Variants in RBFOX1 observed in about 807,000 individuals in gnomAD.
The protein encoded by RBFOX1 is RNA binding protein fox-1 homolog 1.
Under a neutral mutation model 57.7 loss-of-function variants are expected in RBFOX1, and 8 were observed. The observed-to-expected ratio is 0.14, with a 90% CI of 0.08 to 0.25. The LOEUF (loss-of-function observed/expected upper bound fraction) is 0.25. Ranked by LOEUF, RBFOX1 falls within the 10% of genes least tolerant of loss-of-function variation. The pLI, the probability that RBFOX1 is intolerant of heterozygous loss-of-function variation, is 1.00. For missense variants in RBFOX1, 611 were observed against 548.5 expected (o/e 1.11, Z -1.14); for synonymous variants, 326 against 222.4 (o/e 1.47, Z -4.15).
chr16:6,550,062 G>C (rs1269262374), intron 2 of RBFOX1, among the ~76,000 whole-genome samples: 1 of 152,154 alleles, frequency 6.6e-6, no homozygotes, highest in African/African-American at 2.4e-5. Context: ...CTTTATGACT[G>C]AATCTAAAAT....
intron 3 of RBFOX1, among the ~76,000 whole-genome samples, chr16:5,607,530 A>G (rs184866167): frequency 2.6e-5 from 4 of 152,100 alleles, no homozygotes; most frequent in Non-Finnish European, 5.9e-5. Context: ...ACGGGTTTCA[A>G]TGTTGGCATT....
At chr16:5,870,930 A>C (rs1029033032) in intron 4 of RBFOX1, among the ~76,000 whole-genome samples, 4 of 151,910 alleles carry the variant, frequency 2.6e-5, no homozygotes, top group Non-Finnish European at 2.9e-5. Flanking sequence ...CCACCTGTGG[A>C]GGAGATATTG....
intron 3 of RBFOX1, among the ~76,000 whole-genome samples, chr16:6,990,322 C>G (rs1362587457): frequency 1.3e-5 from 2 of 151,948 alleles, no homozygotes; most frequent in Non-Finnish European, 2.9e-5. Context: ...GTCAGGAGTT[C>G]GAGACCAGCC....
At chr16:5,656,930 CA>C (rs1421851994) in intron 3 of RBFOX1, among the ~76,000 whole-genome samples, 3 of 152,100 alleles carry the variant, frequency 2.0e-5, no homozygotes, top group East Asian at 3.9e-4. Flanking sequence ...TGGGACCTGT[CA>C]GGGGGTGGGG....
intron 4 of RBFOX1, among the ~76,000 whole-genome samples, chr16:7,403,677 G>C (rs1448092573): frequency 1.3e-5 from 2 of 150,190 alleles, no homozygotes; most frequent in South Asian, 4.2e-4. Flanking sequence ...CTCCTGAATA[G>C]CTGGGATTAC....
intron 3 of RBFOX1, among the ~76,000 whole-genome samples, chr16:6,872,473 C>G (rs117075116): frequency 6.6e-6 from 1 of 152,136 alleles, no homozygotes; most frequent in Non-Finnish European, 1.5e-5. Flanking sequence ...GCTGAATTAG[C>G]CCCTTGCTTT....
At chr16:5,940,662 A>G (rs1567170793) in intron 4 of RBFOX1, among the ~76,000 whole-genome samples, 1 of 152,218 alleles carries the variant, frequency 6.6e-6, no homozygotes, top group Non-Finnish European at 1.5e-5. Flanking sequence ...TAGTGGGAGC[A>G]CCCGTGGTAA....
chr16:6,694,640 G>C (rs1481469557), intron 3 of RBFOX1, among the ~76,000 whole-genome samples: 3 of 152,112 alleles, frequency 2.0e-5, no homozygotes, highest in Admixed American at 2.0e-4. Flanking sequence ...CACTGTGTTG[G>C]TCTTATCATG....
chr16:5,925,019 T>C (rs569615523), intron 4 of RBFOX1, among the ~76,000 whole-genome samples: 5 of 152,314 alleles, frequency 3.3e-5, no homozygotes, highest in African/African-American at 7.2e-5. Context: ...GGTCATCCTG[T>C]TATCTGATGC....
rs144842253 is a variant in RBFOX1, at chr16:6,863,094, G to A, written c.-15-188963G>A. On this transcript the variant is annotated intron_variant, in intron 3 of 15. Transcript: ENST00000550418. ...GATGTATGGTGGAGAACAGTGGAAGGATTTTTACAGATTATTGGTGGGAGA... is the reference window on the plus strand; with the variant it reads ...GATGTATGGTGGAGAACAGTGGAAGAATTTTTACAGATTATTGGTGGGAGA... 4.9e-3 allele frequency among the ~76,000 whole-genome samples: 743 copies of A among 152,196 alleles called. 8 individuals carry two copies. The highest frequency in any genetic ancestry group is 0.017 in the African/African-American group (696 of 41,538).
In RBFOX1 at chr16:7,002,027, C is replaced by A. The variant is rs190554891; in HGVS notation, c.-15-50030C>A. Among the ~76,000 whole-genome samples, 133 of 152,002 alleles carry A rather than the reference C, an allele frequency of 8.7e-4. 1 individual carries two copies. The highest frequency in any genetic ancestry group is 3.1e-3 in the African/African-American group (130 of 41,440). On this transcript the variant is annotated intron_variant, in intron 3 of 15. Coordinates refer to ENST00000550418, the MANE Select transcript of RBFOX1 (RefSeq NM_018723.4). ...ACAGTATCCCTGGGCATAGTTGATT[C>A]AGGGATGGGCATGTGATCAGGTGGA...
intron 1 of RBFOX1, among the ~76,000 whole-genome samples, chr16:6,020,299 A>C (rs1461382202): frequency 6.6e-6 from 1 of 152,002 alleles, no homozygotes; most frequent in East Asian, 2.0e-4. Context: ...AGCGAGTCCT[A>C]GGTGCCAGGA....
chr16:7,034,711 C>A lies in RBFOX1; in HGVS notation c.-15-17346C>A, dbSNP rs549415481. ...GACATTCGCCTTTCAGTGAGGACAC[C>A]TCACATCAGTGCCCCTGTAGATTTA... On this transcript the variant is annotated intron_variant, in intron 3 of 15. Transcript: ENST00000550418. Among the ~76,000 whole-genome samples, 4 of 151,946 alleles carry A rather than the reference C, an allele frequency of 2.6e-5. No homozygotes were observed. The East Asian group carries it at 7.8e-4, about 29-fold the overall frequency.
chr16:5,818,505 A>G (rs2055726502), intron 3 of RBFOX1, among the ~76,000 whole-genome samples: 2 of 152,202 alleles, frequency 1.3e-5, no homozygotes, highest in African/African-American at 4.8e-5. Context: ...ATACTGTGCT[A>G]GGCTCACCTT....
intron 1 of RBFOX1, among the ~76,000 whole-genome samples, chr16:5,295,705 A>C (rs571593938): frequency 6.6e-6 from 1 of 152,320 alleles, no homozygotes; most frequent in South Asian, 2.1e-4. Context: ...AAGACAACTT[A>C]ACATCCTATC....
At chr16:6,815,151 A>G in intron 3 of RBFOX1, among the ~76,000 whole-genome samples, 1 of 152,120 alleles carries the variant, frequency 6.6e-6, no homozygotes, top group Non-Finnish European at 1.5e-5. Context: ...GCATTTGTAA[A>G]CTGTCATGGC....
In RBFOX1 at chr16:7,458,202, G is replaced by A. The variant is rs562853331; in HGVS notation, c.28-59945G>A. 6.6e-5 allele frequency among the ~76,000 whole-genome samples: 10 copies of A among 152,240 alleles called. No homozygotes were observed. The South Asian group carries it at 2.1e-3, about 32-fold the overall frequency. On this transcript the variant is annotated intron_variant, in intron 4 of 15. Coordinates refer to ENST00000550418, the MANE Select transcript of RBFOX1 (RefSeq NM_018723.4). ...AGAGCCATATGCATTACAAAGACAG[G>A]GACCTTGTCTCTCTGGAGCCCTAAG...
At chr16:5,387,694 C>G (rs956827528) in intron 1 of RBFOX1, among the ~76,000 whole-genome samples, 2 of 152,088 alleles carry the variant, frequency 1.3e-5, no homozygotes, top group African/African-American at 4.8e-5. Context: ...GAATGTTTCC[C>G]CGAAATAATG....
In RBFOX1 at chr16:5,868,462, T is replaced by A. The variant is rs144373632; in HGVS notation, c.351+1127T>A. 4.7e-3 allele frequency among the ~76,000 whole-genome samples: 714 copies of A among 152,318 alleles called. 1 individual carries two copies. The highest frequency in any genetic ancestry group is 7.3e-3 in the Non-Finnish European group (496 of 68,026). On this transcript the variant is annotated intron_variant, in intron 4 of 19. Coordinates refer to the RBFOX1 transcript ENST00000641259. Reference sequence around the variant, plus strand: ...GATGGTTATATCTCCCTTTGATCCATCACACAGTCGTTAGTAGGGTAAAAT... The same window carrying A: ...GATGGTTATATCTCCCTTTGATCCAACACACAGTCGTTAGTAGGGTAAAAT...
Sources: gnomAD v4.1 joint callset for allele counts (sites outside exome capture counted in the v4.1 genomes callset) on GRCh38, gnomAD v4.1.1 for gene constraint, MANE v1.5 for transcripts, NCBI Gene and HGNC (gene_info 2026-07-23, HGNC 2026-07-21) for gene names.